The following ANOS1 variants were observed in gnomAD, a reference collection of about 807,000 sequenced individuals.
ANOS1 encodes the protein anosmin 1, also known as anosmin-1.
In ANOS1, 6 loss-of-function variants were observed where a neutral mutation model predicts 59.0. The observed-to-expected ratio is 0.10, with a 90% CI of 0.06 to 0.20. The LOEUF (loss-of-function observed/expected upper bound fraction) is 0.20. ANOS1 is among the 10% of genes least tolerant of loss of function. The probability of loss-of-function intolerance (pLI) is 1.00; values close to 1 mark genes in which losing one functional copy is unlikely to be tolerated. For synonymous variants in ANOS1, 217 were observed against 223.4 expected, an observed-to-expected ratio of 0.97 and a Z score of 0.25; for missense variants, 433 against 542.3, an observed-to-expected ratio of 0.80 and a Z score of 2.00.
chrX:8,597,345 T>C, intron 3 of ANOS1, 89 bp from the exon 4 acceptor site: 3 of 792,166 alleles, frequency 3.8e-6, no homozygotes, highest in Non-Finnish European at 5.6e-6. Flanking sequence ...TCAACATTTT[T>C]CCCCACCAAA....
At chrX:8,618,793 C>T (rs185637969) in intron 3 of ANOS1, among the ~76,000 whole-genome samples, 102 of 111,006 alleles carry the variant, frequency 9.2e-4, no homozygotes, top group African/African-American at 3.1e-3. Flanking sequence ...GAGAACAGGC[C>T]GGGTACGGTG....
chrX:8,531,750 G>C lies in ANOS1; in HGVS notation c.*1245C>G, dbSNP rs1369822862. 2 of 110,340 alleles carry C rather than the reference G, an allele frequency of 1.8e-5. No individual in the cohort carries two copies. The highest frequency in any genetic ancestry group is 3.8e-5 in the Non-Finnish European group (2 of 52,817). 9.1% of individuals were successfully genotyped at this position (110,340 alleles called of 1,213,427 possible). On this transcript the variant is annotated 3_prime_UTR_variant, in exon 14 of 14. Coordinates refer to ENST00000262648, the MANE Select transcript of ANOS1 (RefSeq NM_000216.4). ...ATACACATGCATTTATAATTATATA[G>C]ACATGCATATCTATGCACATTTCAA...
intron 1 of ANOS1, among the ~76,000 whole-genome samples, chrX:8,706,697 TA>T (rs1932782166): frequency 9.0e-6 from 1 of 111,626 alleles, no homozygotes; most frequent in Admixed American, 9.6e-5. Context: ...GCTGTGAACC[TA>T]AAACTGCTCT....
rs753236970 is a variant in ANOS1, at chrX:8,588,073, C to G, written c.542-95G>C. On this transcript the variant is annotated intron_variant, in intron 4 of 13. Coordinates refer to ENST00000262648, the MANE Select transcript of ANOS1 (RefSeq NM_000216.4). ...CAAATATGGAAGAGATGAATCTGAT[C>G]TGATGACAACTGAGATTTCCTTTCA... 5 of 785,602 alleles carry G rather than the reference C, an allele frequency of 6.4e-6. No individual in the cohort carries two copies. In the African/African-American group the frequency reaches 1.0e-4, roughly 16 times the overall value. The allele number at this position is 785,602 out of a possible 1,213,427, so 64.7% of individuals were successfully genotyped here.
At chrX:8,625,697 T>C (rs1186373977) in intron 2 of ANOS1, among the ~76,000 whole-genome samples, 2 of 111,891 alleles carry the variant, frequency 1.8e-5, no homozygotes, top group Non-Finnish European at 3.8e-5. Flanking sequence ...CTTTGGAGTT[T>C]GTGTGAAATG....
At chrX:8,677,262 C>A (rs1184871161) in intron 2 of ANOS1, among the ~76,000 whole-genome samples, 1 of 111,633 alleles carries the variant, frequency 9.0e-6, no homozygotes, top group African/African-American at 3.3e-5. Context: ...ACCAGTAGCA[C>A]CTCTTCCCTG....
chrX:8,650,900 G>A (rs759471875), intron 2 of ANOS1, among the ~76,000 whole-genome samples: 38 of 112,546 alleles, frequency 3.4e-4, no homozygotes, highest in Non-Finnish European at 6.2e-4. Context: ...GGGCTCAACA[G>A]AACTAGTTTA....
At chrX:8,664,577 G>A (rs112944255) in intron 2 of ANOS1, among the ~76,000 whole-genome samples, 5,940 of 109,872 alleles carry the variant, frequency 0.054, 447 homozygotes, top group African/African-American at 0.19. Flanking sequence ...AAATGTATGC[G>A]TGCATGCACA....
intron 1 of ANOS1, among the ~76,000 whole-genome samples, chrX:8,722,971 A>G (rs772134255): frequency 8.9e-6 from 1 of 112,324 alleles, no homozygotes; most frequent in South Asian, 3.7e-4. Flanking sequence ...AGGACACCCT[A>G]TTCAACAAAC....
chrX:8,650,120 C>A (rs779221745), intron 2 of ANOS1, among the ~76,000 whole-genome samples: 1 of 112,268 alleles, frequency 8.9e-6, no homozygotes, highest in Non-Finnish European at 1.9e-5. Flanking sequence ...AGACTTGCAA[C>A]TTTTTCTGGA....
At chrX:8,561,567 G>A (rs942452819) in intron 8 of ANOS1, among the ~76,000 whole-genome samples, 7 of 104,771 alleles carry the variant, frequency 6.7e-5, no homozygotes, top group Non-Finnish European at 1.2e-4. Context: ...CACCCGACTC[G>A]GCCTCCCAAA....
chrX:8,542,145 C>T (rs927365806), intron 9 of ANOS1, among the ~76,000 whole-genome samples: 4 of 107,737 alleles, frequency 3.7e-5, no homozygotes, highest in Non-Finnish European at 7.7e-5. Context: ...TCATTGATTC[C>T]CATGGTTTGA....
At chrX:8,685,231 C>G (rs1418771003) in intron 2 of ANOS1, among the ~76,000 whole-genome samples, 1 of 111,091 alleles carries the variant, frequency 9.0e-6, no homozygotes. Context: ...CAGGAATATA[C>G]ACATTGACAC....
At position 8,529,475 on chromosome X, in the gene ANOS1, A is replaced by T. The variant is rs937454245; in HGVS notation, c.*3520T>A. 8.9e-6 allele frequency: 1 copy of T among 112,305 alleles called. No individual in the cohort carries two copies. Among genetic ancestry groups the T allele is most frequent in the Non-Finnish European group, 1.9e-5 (1 of 53,288 alleles). 9.3% of individuals were successfully genotyped at this position (112,305 alleles called of 1,213,427 possible). The stretch of plus-strand genomic sequence containing the variant: ...GAGTAAACTTGAAAACCCACGGCAT[A>T]AGAAAGGGCATTAAATAAATAAGTC... On this transcript the variant is annotated 3_prime_UTR_variant, in exon 14 of 14. Transcript: ENST00000262648.
intron 3 of ANOS1, among the ~76,000 whole-genome samples, chrX:8,622,631 T>A (rs1360987162): frequency 1.8e-5 from 2 of 111,826 alleles, no homozygotes; most frequent in Non-Finnish European, 3.8e-5. Flanking sequence ...AAATGGACTC[T>A]TTTGACTCAT....
chrX:8,723,597 C>T (rs1932890690), intron 1 of ANOS1, among the ~76,000 whole-genome samples: 1 of 112,380 alleles, frequency 8.9e-6, no homozygotes, highest in South Asian at 3.6e-4. Flanking sequence ...CCTTTCTGGG[C>T]ATTTTTTACA....
At chrX:8,612,071 T>C (rs1160740538) in intron 3 of ANOS1, among the ~76,000 whole-genome samples, 3 of 111,791 alleles carry the variant, frequency 2.7e-5, no homozygotes, top group Non-Finnish European at 5.7e-5. Flanking sequence ...TGAAAGTATA[T>C]TGTTATGACA....
In ANOS1 at chrX:8,614,427, G is replaced by T. The variant is rs182009747; in HGVS notation, c.318+9181C>A. Among the ~76,000 whole-genome samples, 31 of 111,409 alleles carry T rather than the reference G, an allele frequency of 2.8e-4. No individual in the cohort carries two copies. In the East Asian group the frequency reaches 5.1e-3, roughly 18 times the overall value. ...ACATTTTATTCTATAACGCAGAGTT[G>T]TATCTGTTACCTACTATTGATCCAC... On this transcript the variant is annotated intron_variant, in intron 3 of 13. Coordinates refer to ENST00000262648, the MANE Select transcript of ANOS1 (RefSeq NM_000216.4).
At chrX:8,680,535 G>A (rs1484333966) in intron 2 of ANOS1, among the ~76,000 whole-genome samples, 1 of 111,509 alleles carries the variant, frequency 9.0e-6, no homozygotes, top group Non-Finnish European at 1.9e-5. Flanking sequence ...AAGTTTTAGA[G>A]TTGTCGATCA....
Sources: gnomAD v4.1 joint callset for allele counts (sites outside exome capture counted in the v4.1 genomes callset) on GRCh38, gnomAD v4.1.1 for gene constraint, MANE v1.5 for transcripts, NCBI Gene and HGNC (gene_info 2026-07-23, HGNC 2026-07-21) for gene names.